LUC7L2: variants seen among roughly 807,000 people sequenced by gnomAD.
LUC7L2 encodes the protein putative RNA-binding protein Luc7-like 2.
Under a neutral mutation model 52.8 loss-of-function variants are expected in LUC7L2, and 25 were observed. The ratio of observed to expected loss-of-function variants is 0.47; its 90% CI spans 0.34 to 0.66. The LOEUF (loss-of-function observed/expected upper bound fraction) is 0.66, where lower values mean the gene tolerates loss of function less well. Among genes scored for constraint, LUC7L2 ranks in the 30% least tolerant of loss-of-function variants. The pLI, the probability that LUC7L2 is intolerant of heterozygous loss-of-function variation, is 0.01. For missense variants in LUC7L2, 328 were observed against 497.8 expected (o/e 0.66, Z 3.25); for synonymous variants, 144 against 160.9 (o/e 0.89, Z 0.80).
intron 1 of LUC7L2, chr7:139,374,405 A>C: frequency 6.4e-7 from 1 of 1,550,646 alleles, no homozygotes; most frequent in Non-Finnish European, 8.7e-7. Context: ...GTAAAGGTTC[A>C]ATGTATCTAT....
chr7:139,374,786 C>G, intron 1 of LUC7L2: 1 of 1,135,102 alleles, frequency 8.8e-7, no homozygotes, highest in East Asian at 4.9e-5. Context: ...CTTACCCCAT[C>G]TAAAAATGAT....
intron 1 of LUC7L2, among the ~76,000 whole-genome samples, chr7:139,373,726 T>A (rs1585086826): frequency 6.6e-6 from 1 of 152,224 alleles, no homozygotes; most frequent in East Asian, 1.9e-4. Flanking sequence ...ATATAAGTTG[T>A]TAAGCACAAA....
At chr7:139,389,865 G>A (rs1428371302) in intron 2 of LUC7L2, among the ~76,000 whole-genome samples, 2 of 152,162 alleles carry the variant, frequency 1.3e-5, no homozygotes, top group African/African-American at 4.8e-5. Context: ...CCTTCAGAGT[G>A]CTTTTATAAA....
intron 7 of LUC7L2, among the ~76,000 whole-genome samples, chr7:139,410,024 G>A (rs1243467231): frequency 6.6e-6 from 1 of 152,042 alleles, no homozygotes; most frequent in Non-Finnish European, 1.5e-5. Flanking sequence ...TGGCTAACAC[G>A]GTGAAACCCC....
At chr7:139,360,851 T>TG (rs1799843934) in intron 1 of LUC7L2, among the ~76,000 whole-genome samples, 1 of 152,198 alleles carries the variant, frequency 6.6e-6, no homozygotes, top group African/African-American at 2.4e-5. Context: ...ACCATTTTTA[T>TG]GGAAAATCTG....
chr7:139,385,337 T>TA (rs1174490744), intron 2 of LUC7L2, among the ~76,000 whole-genome samples: 4 of 118,886 alleles, frequency 3.4e-5, no homozygotes, highest in Admixed American at 2.4e-4. Context: ...TTTTTTTTTT[T>TA]AAAGAAACAG....
At chr7:139,370,821 A>C (rs1800409717) in intron 1 of LUC7L2, among the ~76,000 whole-genome samples, 1 of 152,204 alleles carries the variant, frequency 6.6e-6, no homozygotes, top group South Asian at 2.1e-4. Flanking sequence ...GAAATTGGCC[A>C]TGGATCTTTA....
intron 3 of LUC7L2, among the ~76,000 whole-genome samples, chr7:139,398,956 G>A (rs1003272736): frequency 2.0e-5 from 3 of 152,086 alleles, no homozygotes; most frequent in Admixed American, 6.5e-5. Flanking sequence ...CAACAAAATA[G>A]TAATGATTAA....
intron 2 of LUC7L2, among the ~76,000 whole-genome samples, chr7:139,390,212 CCAGTCT>C (rs1794380154): frequency 8.4e-6 from 1 of 119,696 alleles, no homozygotes; most frequent in East Asian, 2.1e-4. Context: ...GGTCCAGTGC[CCAGTCT>C]CTCTCTCTCT....
intron 3 of LUC7L2, among the ~76,000 whole-genome samples, chr7:139,398,974 T>A (rs1272506471): frequency 6.6e-6 from 1 of 152,146 alleles, no homozygotes; most frequent in Non-Finnish European, 1.5e-5. Context: ...TAAGGAAATA[T>A]CAAGCAAATG....
At chr7:139,353,750 G>A (rs1194081646) in intron 1 of LUC7L2, among the ~76,000 whole-genome samples, 2 of 151,746 alleles carry the variant, frequency 1.3e-5, no homozygotes, top group Admixed American at 6.6e-5. Context: ...CCTAGATTGC[G>A]CCACTGCACT....
chr7:139,356,975 A>T (rs915454816), upstream of LUC7L2, among the ~76,000 whole-genome samples: 1 of 152,170 alleles, frequency 6.6e-6, no homozygotes, highest in African/African-American at 2.4e-5. Flanking sequence ...GAGAACTAAA[A>T]GACCTGGTAA....
chr7:139,349,045 T>C (rs1799365453), intron 1 of LUC7L2, among the ~76,000 whole-genome samples: 1 of 151,916 alleles, frequency 6.6e-6, no homozygotes, highest in Admixed American at 6.6e-5. Flanking sequence ...TCCCAGCTAC[T>C]TTGGAGGCTG....
At chr7:139,347,485 G>C (rs946117770) in intron 1 of LUC7L2, among the ~76,000 whole-genome samples, 2 of 152,036 alleles carry the variant, frequency 1.3e-5, no homozygotes, top group African/African-American at 4.8e-5. Flanking sequence ...TACTCAGGAG[G>C]CTGAGGCAGG....
chr7:139,345,526 C>A, intron 1 of LUC7L2: 2 of 1,614,166 alleles, frequency 1.2e-6, no homozygotes, highest in African/African-American at 2.7e-5. Context: ...TTGTGCAGAG[C>A]CCAACATGAG....
chr7:139,408,205 G>A (rs911422934), intron 6 of LUC7L2, among the ~76,000 whole-genome samples: 7 of 152,160 alleles, frequency 4.6e-5, no homozygotes, highest in South Asian at 2.1e-4. Flanking sequence ...GCTCTTTTCA[G>A]TATTCTGAGT....
chr7:139,408,841 C>CAAAAA (rs564827916), intron 6 of LUC7L2, among the ~76,000 whole-genome samples: 14 of 86,956 alleles, frequency 1.6e-4, no homozygotes, highest in Admixed American at 1.4e-3. Flanking sequence ...GACTCTGTCT[C>CAAAAA]AAAAAAAAAA....
chr7:139,356,763 G>C (rs1454662266), upstream of LUC7L2, among the ~76,000 whole-genome samples: 1 of 152,100 alleles, frequency 6.6e-6, no homozygotes, highest in Non-Finnish European at 1.5e-5. Context: ...TCGAATTTTT[G>C]TGAAACTTTA....
At chr7:139,383,519 C>T (rs1418410682) in intron 2 of LUC7L2, among the ~76,000 whole-genome samples, 1 of 152,040 alleles carries the variant, frequency 6.6e-6, no homozygotes, top group Non-Finnish European at 1.5e-5. Context: ...TCAAGCAATT[C>T]TCCTGCCTCA....
Sources: allele counts gnomAD v4.1 joint callset (sites outside exome capture counted in the v4.1 genomes callset), GRCh38; gene constraint gnomAD v4.1.1; transcripts MANE v1.5; gene names NCBI Gene and HGNC (gene_info 2026-07-23, HGNC 2026-07-21).